The following MAP3K20 variants were observed in gnomAD, a reference collection of about 807,000 sequenced individuals.
MAP3K20 encodes the protein HCCS-4.
Under a neutral mutation model 85.7 loss-of-function variants are expected in MAP3K20, and 40 were observed. The observed-to-expected ratio is 0.47, with a 90% CI of 0.36 to 0.61. MAP3K20 has a LOEUF of 0.61. MAP3K20 is among the 20% of genes least tolerant of loss of function. The probability of loss-of-function intolerance (pLI) is 0.00; values close to 1 mark genes in which losing one functional copy is unlikely to be tolerated. For missense variants in MAP3K20, 817 were observed against 961.7 expected, an observed-to-expected ratio of 0.85 and a Z score of 1.99; for synonymous variants, 325 against 327.7, an observed-to-expected ratio of 0.99 and a Z score of 0.09.
intron 14 of MAP3K20, among the ~76,000 whole-genome samples, chr2:173,236,300 CAG>C (rs774680519): frequency 1.9e-3 from 266 of 138,912 alleles, no homozygotes; most frequent in Non-Finnish European, 2.5e-3. Context: ...AAGGCAGGGA[CAG>C]GGGACAGGGG....
chr2:173,223,808 G>C, intron 11 of MAP3K20: 2 of 985,422 alleles, frequency 2.0e-6, no homozygotes, highest in Middle Eastern at 5.2e-4. Context: ...CAGACATAGA[G>C]AAGTACTACC....
chr2:173,091,044 G>A lies in MAP3K20; in HGVS notation c.13G>A (p.Gly5Ser). The A allele has an allele frequency of 2.5e-6, 4 of 1,612,152 alleles. No homozygotes were observed. Among genetic ancestry groups the A allele is most frequent in the Non-Finnish European group, 2.5e-6 (3 of 1,179,280 alleles). Residue 5 changes from glycine to serine, a missense_variant, in exon 2 of 20, where the codon GGT (glycine) becomes AGT (serine). By Grantham distance (56) the Gly-to-Ser change is moderately conservative (BLOSUM62 0). This residue lies in a region of MAP3K20 where 200 missense variants were observed against 302.7 expected (regional missense o/e 0.66). Transcript: ENST00000375213. ...TTGTCATTATGAGATGTCGTCTCTCGGTGCCTCCTTTGTGCAAATTAAATT... is the reference window on the plus strand; with the variant it reads ...TTGTCATTATGAGATGTCGTCTCTCAGTGCCTCCTTTGTGCAAATTAAATT... The part of the protein sequence containing the change: MSSL[G>S]ASFVQIKFDD...
intron 2 of MAP3K20, among the ~76,000 whole-genome samples, chr2:173,093,077 A>T (rs1471261206): frequency 6.6e-6 from 1 of 152,198 alleles, no homozygotes; most frequent in African/African-American, 2.4e-5. Context: ...TATGGCAAAG[A>T]ACCCCTATTT....
intron 5 of MAP3K20, among the ~76,000 whole-genome samples, chr2:173,189,237 T>C (rs1199562689): frequency 6.6e-6 from 1 of 152,222 alleles, no homozygotes; most frequent in East Asian, 1.9e-4. Context: ...ATTAATAATA[T>C]TTACATTTCT....
intron 2 of MAP3K20, among the ~76,000 whole-genome samples, chr2:173,092,969 G>A (rs996710875): frequency 1.3e-5 from 2 of 152,112 alleles, no homozygotes; most frequent in Non-Finnish European, 1.5e-5. Context: ...TAAACTGTAA[G>A]AGCATAACTC....
At chr2:173,144,898 T>C (rs994027328) in intron 2 of MAP3K20, among the ~76,000 whole-genome samples, 4 of 152,156 alleles carry the variant, frequency 2.6e-5, no homozygotes, top group Admixed American at 2.6e-4. Flanking sequence ...GACAAAAATA[T>C]AGATGCAACA....
intron 11 of MAP3K20, among the ~76,000 whole-genome samples, chr2:173,218,989 G>T (rs1329692306): frequency 6.6e-6 from 1 of 152,064 alleles, no homozygotes; most frequent in Non-Finnish European, 1.5e-5. Flanking sequence ...ATCTCAATGA[G>T]ATTTTCTTCT....
intron 9 of MAP3K20, among the ~76,000 whole-genome samples, chr2:173,206,376 G>A (rs911847214): frequency 6.6e-6 from 1 of 152,142 alleles, no homozygotes; most frequent in Admixed American, 6.5e-5. Context: ...GAAGTATAAA[G>A]GAAGTTTAAG....
At chr2:173,242,868 G>A (rs1312458245) in intron 16 of MAP3K20, among the ~76,000 whole-genome samples, 5 of 151,514 alleles carry the variant, frequency 3.3e-5, no homozygotes, top group Admixed American at 2.0e-4. Context: ...CACCACACCC[G>A]GCTAATTTTT....
intron 2 of MAP3K20, among the ~76,000 whole-genome samples, chr2:173,133,990 C>CAAAA (rs71403354): frequency 8.7e-5 from 11 of 126,994 alleles, no homozygotes; most frequent in African/African-American, 3.0e-4. Context: ...TATTCCATCT[C>CAAAA]AAAAAACAAA....
chr2:173,238,137 T>C (rs1469545925), intron 14 of MAP3K20, among the ~76,000 whole-genome samples: 1 of 152,226 alleles, frequency 6.6e-6, no homozygotes, highest in Non-Finnish European at 1.5e-5. Flanking sequence ...CACGACAGAA[T>C]GAGACCTGGT....
chr2:173,188,903 C>T (rs1362410155), intron 5 of MAP3K20, among the ~76,000 whole-genome samples: 2 of 152,098 alleles, frequency 1.3e-5, no homozygotes, highest in African/African-American at 4.8e-5. Flanking sequence ...TTCAATTTAA[C>T]TATGTTATTT....
intron 2 of MAP3K20, among the ~76,000 whole-genome samples, chr2:173,128,390 TG>T (rs1559243204): frequency 6.6e-6 from 1 of 152,096 alleles, no homozygotes; most frequent in East Asian, 1.9e-4. Context: ...TGGAGTTCAG[TG>T]GCATGATGTC....
rs1207750062 is a variant in MAP3K20 at position 173,175,194 on chromosome 2, G to A, written c.247+5302G>A. Among the ~76,000 whole-genome samples the A allele has an allele frequency of 2.6e-5, 4 of 152,090 alleles. No individual in the cohort carries two copies. The East Asian group carries it at 7.7e-4, about 29-fold the overall frequency. Reference sequence around the variant, plus strand: ...AGACTTATATATTTTTCCCCAAACAGTATTTTGTTGTTCAAATAAATTAAT... The same window carrying A: ...AGACTTATATATTTTTCCCCAAACAATATTTTGTTGTTCAAATAAATTAAT... On this transcript the variant is annotated intron_variant, in intron 3 of 19. Coordinates refer to ENST00000375213, the MANE Select transcript of MAP3K20 (RefSeq NM_016653.3).
chr2:173,239,557 G>A, intron 16 of MAP3K20, 61 bp downstream of exon 16: 1 of 1,483,742 alleles, frequency 6.7e-7, no homozygotes. Flanking sequence ...TTTCTCTTCT[G>A]TAACTCCATG....
chr2:173,196,639 C>T (rs1690850079), intron 7 of MAP3K20, among the ~76,000 whole-genome samples: 1 of 152,190 alleles, frequency 6.6e-6, no homozygotes, highest in Admixed American at 6.5e-5. Flanking sequence ...TGAGACTGAG[C>T]ACTGGCTGAG....
At chr2:173,165,640 G>A (rs1689797325) in intron 2 of MAP3K20, among the ~76,000 whole-genome samples, 1 of 152,076 alleles carries the variant, frequency 6.6e-6, no homozygotes, top group South Asian at 2.1e-4. Flanking sequence ...CATAAAATTT[G>A]CTATTTCAGC....
intron 2 of MAP3K20, among the ~76,000 whole-genome samples, chr2:173,131,019 T>C (rs1688604746): frequency 6.6e-6 from 1 of 152,252 alleles, no homozygotes; most frequent in African/African-American, 2.4e-5. Flanking sequence ...TATTAGGGAT[T>C]GTAATTACCT....
rs2106362061 is a variant in MAP3K20, at chr2:173,267,013, T to C, written c.*263T>C. On this transcript the variant is annotated 3_prime_UTR_variant, in exon 20 of 20. Coordinates refer to ENST00000375213, the MANE Select transcript of MAP3K20 (RefSeq NM_016653.3). Reference sequence around the variant, plus strand: ...GAGTGAACATTTTTAGAGGAAAGGTTATGCCATCTTTTTACCCTAACCACT... The same window carrying C: ...GAGTGAACATTTTTAGAGGAAAGGTCATGCCATCTTTTTACCCTAACCACT... 3.6e-6 allele frequency: 1 copy of C among 274,180 alleles called. No individual in the cohort carries two copies. Among genetic ancestry groups the C allele is most frequent in the South Asian group, 1.4e-4 (1 of 7,128 alleles). 17.0% of individuals were successfully genotyped at this position (274,180 alleles called of 1,614,324 possible). A position where few individuals can be genotyped will look rare whatever the true frequency, so the allele number is the denominator to read the frequency against.
Sources: allele counts gnomAD v4.1 joint callset (sites outside exome capture counted in the v4.1 genomes callset), GRCh38; gene constraint gnomAD v4.1.1; regional missense constraint gnomAD v4.1.1; transcripts MANE v1.5; gene names NCBI Gene and HGNC (gene_info 2026-07-23, HGNC 2026-07-21).